Variants in UGGT2 observed in about 807,000 individuals in gnomAD.
UGGT2 encodes the protein UDP-glucose glycoprotein glucosyltransferase 2, also known as UDP-glucose:glycoprotein glucosyltransferase 2.
UGGT2 carries 180 observed loss-of-function variants against 192.1 expected under a neutral mutation model. That is an observed-to-expected ratio of 0.94 (90% CI 0.83 to 1.06). UGGT2 has a LOEUF of 1.06. UGGT2 is among the 50% of genes least tolerant of loss of function. The probability of loss-of-function intolerance (pLI) is 0.00; values close to 1 mark genes in which losing one functional copy is unlikely to be tolerated. For synonymous variants in UGGT2, 580 were observed against 591.0 expected, an observed-to-expected ratio of 0.98 and a Z score of 0.27; for missense variants, 1,849 against 1,795.7, an observed-to-expected ratio of 1.03 and a Z score of -0.54.
intron 11 of UGGT2, among the ~76,000 whole-genome samples, chr13:95,971,205 TTC>T (rs1459481309): frequency 2.0e-5 from 3 of 152,228 alleles, no homozygotes; most frequent in Non-Finnish European, 4.4e-5. Flanking sequence ...TTTACTCCTG[TTC>T]TTTCCCCACA....
chr13:95,887,920 C>T lies in UGGT2; in HGVS notation c.3010G>A (p.Gly1004Ser), dbSNP rs543498692. The T allele has an allele frequency of 1.9e-6, 3 of 1,603,366 alleles. No homozygotes were observed. The highest frequency in any genetic ancestry group is 2.6e-6 in the Non-Finnish European group (3 of 1,174,398). Residue 1004 changes from glycine (G) to serine (S), a missense_variant, in exon 26 of 39, where the codon GGC (glycine) becomes AGC (serine). Physicochemically the swap from Gly to Ser is moderately conservative, Grantham distance 56. Transcript: ENST00000376747. ...MKIKLFMNCRGRLSEAPLESF... is the reference protein window; with the variant it reads ...MKIKLFMNCRSRLSEAPLESF... ...TCTAAAGGGGCTTCTGAAAGCCTGC[C>T]CCTACAGTTCATGAACAACTTTATC...
At chr13:95,912,562 A>C (rs2048537132) in intron 20 of UGGT2, among the ~76,000 whole-genome samples, 1 of 152,218 alleles carries the variant, frequency 6.6e-6, no homozygotes, top group African/African-American at 2.4e-5. Flanking sequence ...AGAGAACTAC[A>C]AACCACTGCT....
At chr13:95,931,647 GTGCTGGCCCAGCGCACCCTCTGTAGC>G (rs1261918511) in intron 17 of UGGT2, among the ~76,000 whole-genome samples, 4 of 152,130 alleles carry the variant, frequency 2.6e-5, no homozygotes, top group African/African-American at 9.7e-5. Context: ...TTCGAGCACA[GTGCTGGCCCAGCGCACCCTCTGTAGC>G]TGCTGGCCCG....
chr13:95,982,388 C>A (rs140946040), intron 10 of UGGT2, among the ~76,000 whole-genome samples: 1 of 152,198 alleles, frequency 6.6e-6, no homozygotes, highest in African/African-American at 2.4e-5. Context: ...ATGTTCAAAA[C>A]GGCAGCTCCA....
chr13:95,990,497 T>C (rs1033348370), intron 7 of UGGT2: 1 of 152,336 alleles, frequency 6.6e-6, no homozygotes, highest in African/African-American at 2.4e-5. Flanking sequence ...CCATCTTTGA[T>C]TCTTATAAAA....
At chr13:95,821,089 C>T (rs1374400683) in intron 38 of UGGT2, among the ~76,000 whole-genome samples, 1 of 151,974 alleles carries the variant, frequency 6.6e-6, no homozygotes, top group Non-Finnish European at 1.5e-5. Flanking sequence ...ACTTCTTTTC[C>T]GGTGGGGAGA....
chr13:95,962,646 T>C (rs2050435451), intron 12 of UGGT2, among the ~76,000 whole-genome samples: 1 of 152,094 alleles, frequency 6.6e-6, no homozygotes, highest in South Asian at 2.1e-4. Context: ...CTCCTCAAAT[T>C]ATTCCCAAAA....
At chr13:95,804,221 G>A (rs1884200086) in intron 38 of UGGT2, among the ~76,000 whole-genome samples, 1 of 151,996 alleles carries the variant, frequency 6.6e-6, no homozygotes, top group Non-Finnish European at 1.5e-5. Flanking sequence ...AGCATCAAAA[G>A]GATCAAAATA....
chr13:95,936,977 C>G lies in UGGT2; in HGVS notation c.1924G>C (p.Val642Leu). The change falls in exon 17 of 39, where the codon GTT becomes CTT. Residue 642 changes from valine (V) to leucine (L), a missense_variant. Transcript: ENST00000376747. ...EMNIKELKMA[V>L]LQRMMDASVY... The stretch of plus-strand genomic sequence containing the variant: ...GATGCATCCATCATTCTTTGAAGAA[C>G]AGCCATTTTTAGTTCTTTAATATTC... The G allele has an allele frequency of 6.3e-7, 1 of 1,598,754 alleles. No homozygotes were observed. The highest frequency in any genetic ancestry group is 1.8e-5 in the Admixed American group (1 of 54,386).
intron 1 of UGGT2, among the ~76,000 whole-genome samples, chr13:96,051,322 G>C (rs2053478868): frequency 1.3e-5 from 2 of 152,174 alleles, no homozygotes; most frequent in African/African-American, 4.8e-5. Flanking sequence ...TCACACACCA[G>C]GGCCTGTTGT....
In UGGT2 at chr13:95,939,969, A is replaced by G. The variant is rs753562092; in HGVS notation, c.1800T>C (p.Asp600=). The change falls in exon 16 of 39, where the codon GAT becomes GAC. Residue 600 remains aspartate (D), a synonymous_variant. Coordinates refer to ENST00000376747, the MANE Select transcript of UGGT2 (RefSeq NM_020121.4). ...WDILGIHSKY[D]EERKAGASFY... is the part of the protein sequence containing the mutation. ...TGTCCCAACTTACCTTTCTTTCTTC[A>G]TCATATTTAGAATGAATTCCCAAAA... 1 of 1,598,204 alleles carries G rather than the reference A, an allele frequency of 6.3e-7. No individual in the cohort carries two copies. Among genetic ancestry groups the G allele is most frequent in the Non-Finnish European group, 8.5e-7 (1 of 1,174,232 alleles).
At chr13:95,934,421 C>G (rs1281409552) in intron 17 of UGGT2, among the ~76,000 whole-genome samples, 2 of 152,196 alleles carry the variant, frequency 1.3e-5, no homozygotes, top group Non-Finnish European at 2.9e-5. Context: ...TGTTAGTTTT[C>G]TGCCTCGATA....
intron 20 of UGGT2, among the ~76,000 whole-genome samples, chr13:95,918,267 C>A (rs1346636497): frequency 2.0e-5 from 3 of 152,184 alleles, no homozygotes; most frequent in Admixed American, 1.3e-4. Flanking sequence ...GAACAACCTG[C>A]TCCTGAATGA....
At chr13:95,845,462 T>A (rs1351344725) in intron 36 of UGGT2, among the ~76,000 whole-genome samples, 3 of 149,106 alleles carry the variant, frequency 2.0e-5, no homozygotes, top group African/African-American at 7.4e-5. Flanking sequence ...ACAAAGCACA[T>A]GTTTCAGAGA....
In UGGT2 at chr13:95,941,129, T is replaced by G. The variant is rs147750468; in HGVS notation, c.1678-1038A>C. On this transcript the variant is annotated intron_variant, in intron 15 of 38. Coordinates refer to ENST00000376747, the MANE Select transcript of UGGT2 (RefSeq NM_020121.4). ...TGAGACATAAGTATGAACACTCAGC[T>G]AGCATTAAGACATTCTGGGGAAAGA... is the stretch of plus-strand genomic sequence containing the variant. 3.2e-3 allele frequency among the ~76,000 whole-genome samples: 481 copies of G among 152,298 alleles called. 2 individuals are homozygous for G. The highest frequency in any genetic ancestry group is 0.011 in the African/African-American group (459 of 41,560).
intron 36 of UGGT2, among the ~76,000 whole-genome samples, chr13:95,853,314 A>G (rs1889244287): frequency 6.6e-6 from 1 of 152,230 alleles, no homozygotes; most frequent in African/African-American, 2.4e-5. Flanking sequence ...CATAAAGTAG[A>G]AAGTAGAGGT....
At chr13:95,940,151 T>G in intron 15 of UGGT2, 60 bp from the exon 16 acceptor site, 3 of 1,273,774 alleles carry the variant, frequency 2.4e-6, no homozygotes, top group Non-Finnish European at 1.1e-6. Flanking sequence ...TTTCTTTTTT[T>G]TCCTTAGCAT....
At chr13:95,864,455 G>T (rs1466897916) in intron 30 of UGGT2, among the ~76,000 whole-genome samples, 1 of 152,164 alleles carries the variant, frequency 6.6e-6, no homozygotes, top group African/African-American at 2.4e-5. Context: ...CCTCTGTACA[G>T]TTATAGTTTT....
intron 36 of UGGT2, among the ~76,000 whole-genome samples, chr13:95,839,334 T>A (rs919996464): frequency 1.3e-5 from 2 of 152,156 alleles, no homozygotes; most frequent in Non-Finnish European, 2.9e-5. Flanking sequence ...CCTAATAATC[T>A]ACTTTCTGTC....
Sources: gnomAD v4.1 joint callset for allele counts (sites outside exome capture counted in the v4.1 genomes callset) on GRCh38, gnomAD v4.1.1 for gene constraint, MANE v1.5 for transcripts, NCBI Gene and HGNC (gene_info 2026-07-23, HGNC 2026-07-21) for gene names.